The following FKBP1B variants were observed in gnomAD, a reference collection of about 807,000 sequenced individuals.
FKBP1B encodes the protein FKBP prolyl isomerase 1B.
FKBP1B carries 4 observed loss-of-function variants against 13.5 expected under a neutral mutation model. That is an observed-to-expected ratio of 0.30 (90% CI 0.15 to 0.68). FKBP1B has a LOEUF of 0.68. Among genes scored for constraint, FKBP1B ranks in the 30% least tolerant of loss-of-function variants. The probability of loss-of-function intolerance (pLI) is 0.76; values close to 1 mark genes in which losing one functional copy is unlikely to be tolerated. For missense variants in FKBP1B, 93 were observed against 136.2 expected (o/e 0.68, Z 1.58); for synonymous variants, 54 against 53.6 (o/e 1.01, Z -0.03).
chr2:24,039,446 G>A, the FKBP1B span: 1 of 1,614,230 alleles, frequency 6.2e-7, no homozygotes, highest in Non-Finnish European at 8.5e-7. Context: ...ACTGCTTGAT[G>A]CAACGCATTC....
At chr2:24,061,657 T>C (rs562838923) in intron 3 of FKBP1B, among the ~76,000 whole-genome samples, 4 of 152,202 alleles carry the variant, frequency 2.6e-5, no homozygotes, top group Non-Finnish European at 5.9e-5. Flanking sequence ...ATAACCATAG[T>C]ACAATTATCA....
chr2:24,040,097 G>A, the FKBP1B span, among the ~76,000 whole-genome samples: 11 of 151,984 alleles, frequency 7.2e-5, no homozygotes, highest in East Asian at 1.9e-4. Flanking sequence ...TCCCGCGCCC[G>A]GCCAGAGTTA....
rs185043886 is a variant in FKBP1B, at chr2:24,063,665, G to T, written c.*473G>T. ...CTCTTTGAGAAAATGTAAAATAAAG[G>T]CTCTGTGCTTGACAAACTCCTGTCC... On this transcript the variant is annotated 3_prime_UTR_variant, in exon 4 of 4. Coordinates refer to ENST00000380986, the MANE Select transcript of FKBP1B (RefSeq NM_004116.5). 1.8e-3 allele frequency: 383 copies of T among 217,850 alleles called. No individual in the cohort carries two copies. Among genetic ancestry groups the T allele is most frequent in the African/African-American group, 8.0e-3 (355 of 44,508 alleles). The allele number at this position is 217,850 out of a possible 1,614,324, so 13.5% of individuals were successfully genotyped here.
chr2:24,053,785 G>C (rs1249184654), intron 1 of FKBP1B, 117 bp from the exon 2 acceptor site: 5 of 941,128 alleles, frequency 5.3e-6, no homozygotes, highest in Non-Finnish European at 8.6e-6. Flanking sequence ...AGGGCCACAG[G>C]CATCTCCATG....
upstream of FKBP1B, chr2:24,046,031 T>G (rs1016188868): frequency 6.6e-6 from 1 of 151,872 alleles, no homozygotes; most frequent in Admixed American, 6.6e-5. Flanking sequence ...CTGAGAGGAT[T>G]TGAGCTCAGG....
At position 24,062,908 on chromosome 2, in the gene FKBP1B, A is replaced by G. The variant is rs1664461513; in HGVS notation, c.199-156A>G. ...AGAATCTGCGTTTGTTAAAGCTGTT[A>G]GCACGATTTCAATGTATCCCATGTA... On this transcript the variant is annotated intron_variant, in intron 3 of 3. Transcript: ENST00000380986. The G allele has an allele frequency of 2.0e-5, 22 of 1,107,188 alleles. No individual in the cohort carries two copies. In the South Asian group the frequency reaches 3.0e-4, roughly 15 times the overall value. The allele number at this position is 1,107,188 out of a possible 1,614,324, so 68.6% of individuals were successfully genotyped here. A position where few individuals can be genotyped will look rare whatever the true frequency, so the allele number is the denominator to read the frequency against.
intron 2 of FKBP1B, among the ~76,000 whole-genome samples, chr2:24,057,992 T>G (rs1420559016): frequency 6.6e-6 from 1 of 151,730 alleles, no homozygotes; most frequent in Non-Finnish European, 1.5e-5. Flanking sequence ...AGGTCAGGAG[T>G]TCGAGACCAG....
chr2:24,051,515 G>C (rs969373752), intron 1 of FKBP1B, among the ~76,000 whole-genome samples: 16 of 152,064 alleles, frequency 1.1e-4, no homozygotes, highest in African/African-American at 3.9e-4. Context: ...TTTTCCTCCA[G>C]CTTTCCCAAG....
the FKBP1B span, chr2:24,037,890 GCTGGTGTGGT>G: frequency 6.2e-7 from 1 of 1,614,070 alleles, no homozygotes; most frequent in Non-Finnish European, 8.5e-7. Context: ...GCTCCAGTGT[GCTGGTGTGGT>G]CTGGTGTGCT....
In FKBP1B at chr2:24,063,198, G is replaced by C. The variant is rs551966585; in HGVS notation, c.*6G>C. On this transcript the variant is annotated 3_prime_UTR_variant, in exon 4 of 4. Transcript: ENST00000380986. ...AGCTGCTCAACTTAGAGTGAAGGCA[G>C]GAAGGAACTCAAGGTGGCTGGAGAT... is the stretch of plus-strand genomic sequence containing the variant. 1.9e-6 allele frequency: 3 copies of C among 1,580,134 alleles called. No homozygotes were observed. The African/African-American group carries it at 4.1e-5, about 21-fold the overall frequency.
chr2:24,038,915 AC>A, the FKBP1B span: 6 of 1,614,200 alleles, frequency 3.7e-6, no homozygotes, highest in Non-Finnish European at 4.2e-6. Flanking sequence ...CAGGAGGAGC[AC>A]CTGTGAAGAG....
chr2:24,056,239 C>T (rs927002522), intron 2 of FKBP1B, among the ~76,000 whole-genome samples: 3 of 151,882 alleles, frequency 2.0e-5, no homozygotes, highest in Non-Finnish European at 4.4e-5. Flanking sequence ...ATCTGCCTGC[C>T]TCGGCCTCTC....
At chr2:24,049,639 C>T (rs1484425255), upstream of FKBP1B, 3 of 377,772 alleles carry the variant, frequency 7.9e-6, no homozygotes, top group Non-Finnish European at 1.4e-5. Context: ...CGGGCCCCGC[C>T]CCGGCCGACC....
Position 24,050,532 on chromosome 2 carries a change from T to A in FKBP1B, c.37+646T>A, listed in dbSNP as rs977225586. 6.6e-6 allele frequency among the ~76,000 whole-genome samples: 1 copy of A among 152,180 alleles called. No homozygotes were observed. Among genetic ancestry groups the A allele is most frequent in the African/African-American group, 2.4e-5 (1 of 41,518 alleles). ...GCCCTGCGACCTACGGCCGAACCTC[T>A]CCCTGGACGTCCCAGGGTGCTCCCT... is the stretch of plus-strand genomic sequence containing the variant. On this transcript the variant is annotated intron_variant, in intron 1 of 3. Transcript: ENST00000380986. The surrounding 1 kb of genome is among the most constrained non-coding windows in gnomAD (Gnocchi z 5.8).
At chr2:24,061,065 G>A in intron 3 of FKBP1B, 139 bp downstream of exon 3, 1 of 647,744 alleles carries the variant, frequency 1.5e-6, no homozygotes, top group Non-Finnish European at 2.7e-6. Context: ...AACGCCATCT[G>A]GTGTCCCCTC....
At chr2:24,049,649 C>T (rs1663750108), upstream of FKBP1B, 1 of 384,960 alleles carries the variant, frequency 2.6e-6, no homozygotes, top group East Asian at 3.8e-5. Context: ...CCCGGCCGAC[C>T]CCACCTTTCC....
chr2:24,058,127 G>A (rs1664222902), intron 2 of FKBP1B, among the ~76,000 whole-genome samples: 1 of 151,854 alleles, frequency 6.6e-6, no homozygotes, highest in African/African-American at 2.4e-5. Flanking sequence ...AACAACCCAG[G>A]AGGCGGAGGT....
chr2:24,049,964 G>C (rs1172155139), intron 1 of FKBP1B, 78 bp downstream of exon 1: 1 of 1,225,134 alleles, frequency 8.2e-7, no homozygotes. Flanking sequence ...TGATTCGGAG[G>C]TGGCGTGGAG....
chr2:24,033,515 C>G, the FKBP1B span, among the ~76,000 whole-genome samples: 18 of 152,264 alleles, frequency 1.2e-4, no homozygotes, highest in East Asian at 3.5e-3. Flanking sequence ...CTAAGATGGA[C>G]AGATCACTTG....
Sources: gnomAD v4.1 joint callset for allele counts (sites outside exome capture counted in the v4.1 genomes callset) on GRCh38, gnomAD v4.1.1 for gene constraint, Gnocchi (gnomAD v3.1) non-coding constraint, MANE v1.5 for transcripts, NCBI Gene and HGNC (gene_info 2026-07-23, HGNC 2026-07-21) for gene names.